COBL: variants seen among roughly 807,000 people sequenced by gnomAD.
COBL encodes the protein protein cordon-bleu.
Under a neutral mutation model 98.8 loss-of-function variants are expected in COBL, and 51 were observed. The ratio of observed to expected loss-of-function variants is 0.52; its 90% CI spans 0.41 to 0.65. The LOEUF (loss-of-function observed/expected upper bound fraction) is 0.65. COBL is among the 30% of genes least tolerant of loss of function. The pLI is 0.00. For missense variants in COBL, 1,617 were observed against 1,617.5 expected (o/e 1.00, Z 0.01); for synonymous variants, 634 against 651.7 (o/e 0.97, Z 0.41).
chr7:51,065,624 C>A (rs1791843913), intron 7 of COBL, among the ~76,000 whole-genome samples: 3 of 152,226 alleles, frequency 2.0e-5, no homozygotes, highest in Non-Finnish European at 4.4e-5. Context: ...GCCCTGGAGT[C>A]AGAGTCCGGG....
At chr7:51,043,250 G>T in intron 8 of COBL, 133 bp downstream of exon 8, 1 of 707,980 alleles carries the variant, frequency 1.4e-6, no homozygotes, top group Non-Finnish European at 2.4e-6. Flanking sequence ...AGCAGCTGCT[G>T]TGAATCAGGG....
intron 6 of COBL, among the ~76,000 whole-genome samples, chr7:51,121,001 G>A (rs57148488): frequency 2.0e-5 from 3 of 152,112 alleles, no homozygotes; most frequent in Non-Finnish European, 2.9e-5. Flanking sequence ...ATCTGTCTGA[G>A]GCCCTGCTTT....
chr7:51,312,171 A>T (rs1803119077), intron 1 of COBL, among the ~76,000 whole-genome samples: 2 of 151,968 alleles, frequency 1.3e-5, no homozygotes, highest in Admixed American at 1.3e-4. Flanking sequence ...AAAAAAAAAA[A>T]ATACAAAAAT....
intron 12 of COBL, among the ~76,000 whole-genome samples, chr7:51,024,110 C>T (rs1036041763): frequency 3.9e-5 from 6 of 152,020 alleles, no homozygotes; most frequent in Non-Finnish European, 8.8e-5. Context: ...GAGATCGAGA[C>T]CATCCTGGCT....
intron 5 of COBL, 151 bp downstream of exon 5, chr7:51,183,951 A>G: frequency 2.4e-6 from 1 of 419,558 alleles, no homozygotes; most frequent in South Asian, 4.5e-5. Flanking sequence ...CTGTCATTCC[A>G]GTGCATACTA....
At chr7:51,179,712 A>C (rs1788749892) in intron 5 of COBL, among the ~76,000 whole-genome samples, 1 of 152,206 alleles carries the variant, frequency 6.6e-6, no homozygotes, top group Admixed American at 6.5e-5. Context: ...AGATCACAAA[A>C]AGCACTCTGA....
At chr7:51,048,141 G>C (rs1343596816) in intron 7 of COBL, among the ~76,000 whole-genome samples, 1 of 152,110 alleles carries the variant, frequency 6.6e-6, no homozygotes, top group Non-Finnish European at 1.5e-5. Flanking sequence ...ACTCCAGCCT[G>C]GGCGACAGAG....
chr7:51,153,370 A>C (rs1395430380), intron 5 of COBL, among the ~76,000 whole-genome samples: 1 of 152,272 alleles, frequency 6.6e-6, no homozygotes, highest in Non-Finnish European at 1.5e-5. Context: ...TAATTTTAAA[A>C]TAACTAGAAT....
At chr7:51,078,221 G>A (rs1038779241) in intron 7 of COBL, among the ~76,000 whole-genome samples, 2 of 152,160 alleles carry the variant, frequency 1.3e-5, no homozygotes, top group Admixed American at 1.3e-4. Context: ...TGTAGTCAAT[G>A]AAATATGAGA....
rs141302432 is a variant in COBL at position 51,163,161 on chromosome 7, G to A, written c.783+20941C>T. ...AAAGGATGATGTGACTCATGCCTCCGTTTGATCCCCTCTTCTGGTAAGATT... is the reference window on the plus strand; with the variant it reads ...AAAGGATGATGTGACTCATGCCTCCATTTGATCCCCTCTTCTGGTAAGATT... On this transcript the variant is annotated intron_variant, in intron 5 of 12. Transcript: ENST00000265136. 9.3e-4 allele frequency among the ~76,000 whole-genome samples: 141 copies of A among 152,268 alleles called. No homozygotes were observed. In the East Asian group the frequency reaches 0.016, roughly 17 times the overall value.
At position 51,037,563 on chromosome 7, in the gene COBL, C is replaced by T. The variant is rs1210886290; in HGVS notation, c.1406+5820G>A. ...CCAGGGCAGAGCTGTGTGTGAGGCA[C>T]ACAGGACCTTCCCTGAGGGCCATGC... is the stretch of plus-strand genomic sequence containing the variant. On this transcript the variant is annotated intron_variant, in intron 8 of 12. Transcript: ENST00000265136. 2.0e-5 allele frequency among the ~76,000 whole-genome samples: 3 copies of T among 152,248 alleles called. No individual in the cohort carries two copies. In the East Asian group the frequency reaches 5.8e-4, roughly 29 times the overall value.
Position 51,136,144 on chromosome 7 carries a change from G to A in COBL, c.957+14C>T. On this transcript the variant is annotated intron_variant, in intron 6 of 12. Coordinates refer to ENST00000265136, the MANE Select transcript of COBL (RefSeq NM_015198.5). ...AAAAGATGCTTTGGTTGTGAGAACA[G>A]CCCACTGCCCTACCTTTTCCGATGC... is the stretch of plus-strand genomic sequence containing the variant. The A allele has an allele frequency of 6.2e-7, 1 of 1,606,078 alleles. No individual in the cohort carries two copies. The highest frequency in any genetic ancestry group is 1.1e-5 in the South Asian group (1 of 89,802).
intron 1 of COBL, among the ~76,000 whole-genome samples, chr7:51,313,139 A>G (rs1012725698): frequency 1.3e-5 from 2 of 152,234 alleles, no homozygotes; most frequent in African/African-American, 4.8e-5. Context: ...GTAACAGTTC[A>G]TTATACATGC....
At chr7:51,206,701 GA>G (rs914954607) in intron 2 of COBL, among the ~76,000 whole-genome samples, 3 of 152,198 alleles carry the variant, frequency 2.0e-5, no homozygotes, top group Non-Finnish European at 2.9e-5. Context: ...CCTTAAAAGA[GA>G]AGGAAATCCT....
At chr7:51,308,605 T>C (rs1288885110) in intron 1 of COBL, among the ~76,000 whole-genome samples, 2 of 152,210 alleles carry the variant, frequency 1.3e-5, no homozygotes, top group East Asian at 1.9e-4. Flanking sequence ...AGAGCACTTA[T>C]GATAAGACAA....
intron 1 of COBL, among the ~76,000 whole-genome samples, chr7:51,248,980 T>C (rs1443074544): frequency 6.6e-6 from 1 of 152,234 alleles, no homozygotes; most frequent in Admixed American, 6.5e-5. Context: ...TTGGAAAAGA[T>C]ACTGAGATAA....
intron 6 of COBL, among the ~76,000 whole-genome samples, chr7:51,090,496 A>G (rs1373253001): frequency 6.6e-6 from 1 of 152,356 alleles, no homozygotes; most frequent in African/African-American, 2.4e-5. Flanking sequence ...CTAACATTCC[A>G]GCTTTTCAGG....
chr7:51,151,161 C>T (rs1340652035), intron 5 of COBL, among the ~76,000 whole-genome samples: 1 of 145,702 alleles, frequency 6.9e-6, no homozygotes, highest in Non-Finnish European at 1.5e-5. Context: ...ATTGTCAAAT[C>T]CTATCTCAGT....
At chr7:51,243,615 A>G (rs890663263) in intron 1 of COBL, among the ~76,000 whole-genome samples, 9 of 152,052 alleles carry the variant, frequency 5.9e-5, no homozygotes, top group African/African-American at 2.2e-4. Flanking sequence ...GTGGAGCCCA[A>G]GAACGTTACG....
Sources: gnomAD v4.1 joint callset for allele counts (sites outside exome capture counted in the v4.1 genomes callset) on GRCh38, gnomAD v4.1.1 for gene constraint, MANE v1.5 for transcripts, NCBI Gene and HGNC (gene_info 2026-07-23, HGNC 2026-07-21) for gene names.